ZBTB44: variants seen among roughly 807,000 people sequenced by gnomAD.
ZBTB44 encodes zinc finger and BTB domain containing 44.
Under a neutral mutation model 54.0 loss-of-function variants are expected in ZBTB44, and 15 were observed. The ratio of observed to expected loss-of-function variants is 0.28; its 90% CI spans 0.19 to 0.43. ZBTB44 has a LOEUF of 0.43. Among genes scored for constraint, ZBTB44 ranks in the 20% least tolerant of loss-of-function variants. ZBTB44 has a pLI of 1.00. For missense variants in ZBTB44, 487 were observed against 707.1 expected (o/e 0.69, Z 3.53); for synonymous variants, 230 against 250.1 (o/e 0.92, Z 0.76).
intron 7 of ZBTB44, chr11:130,232,688 T>C (rs1953922488): frequency 6.6e-6 from 1 of 152,198 alleles, no homozygotes; most frequent in Admixed American, 6.5e-5. Context: ...ATCGCTGTCA[T>C]ATGGGATTCA....
intron 1 of ZBTB44, chr11:130,296,205 GT>G: frequency 7.7e-7 from 1 of 1,296,558 alleles, no homozygotes; most frequent in Non-Finnish European, 1.1e-6. Context: ...GCCATTGTAT[GT>G]TAGTGTTGAT....
chr11:130,292,958 T>C (rs1396808422), intron 1 of ZBTB44, among the ~76,000 whole-genome samples: 3 of 152,212 alleles, frequency 2.0e-5, no homozygotes, highest in Non-Finnish European at 2.9e-5. Flanking sequence ...GTCACTCTTA[T>C]CAATCTAAGT....
chr11:130,268,856 A>G (rs763123264), intron 1 of ZBTB44, among the ~76,000 whole-genome samples: 3 of 151,258 alleles, frequency 2.0e-5, no homozygotes, highest in Non-Finnish European at 4.4e-5. Context: ...CTGGGATTAC[A>G]GGTGTGAGCC....
chr11:130,298,186 T>C (rs1053689641), intron 1 of ZBTB44, among the ~76,000 whole-genome samples: 7 of 152,148 alleles, frequency 4.6e-5, no homozygotes, highest in Admixed American at 3.3e-4. Context: ...CTCTGTTGCC[T>C]AGATTAGAGT....
chr11:130,235,657 C>T (rs536632590), intron 5 of ZBTB44, among the ~76,000 whole-genome samples: 2 of 151,072 alleles, frequency 1.3e-5, no homozygotes, highest in Non-Finnish European at 2.9e-5. Context: ...AAGACCCTAT[C>T]TATTCAATTA....
chr11:130,272,920 T>C (rs1009637360), intron 1 of ZBTB44, among the ~76,000 whole-genome samples: 1 of 152,224 alleles, frequency 6.6e-6, no homozygotes, highest in Admixed American at 6.5e-5. Flanking sequence ...TTATATGTCC[T>C]TGTGCCAGTA....
Position 130,314,587 on chromosome 11 carries a change from C to CT in ZBTB44, c.-270_-269insA, listed in dbSNP as rs1464791771. ...CTGTGGTGGGGCATGGCGGCACAGC[C>CT]ACCGGCGTGCCCGCGAGTGGGAGTG... On this transcript the variant is annotated 5_prime_UTR_variant, in exon 1 of 8. Transcript: ENST00000357899. 8.8e-5 allele frequency: 4 copies of CT among 45,668 alleles called. No individual in the cohort carries two copies. The highest frequency in any genetic ancestry group is 3.8e-4 in the African/African-American group (4 of 10,532). The allele number at this position is 45,668 out of a possible 1,614,324, so 2.8% of individuals were successfully genotyped here.
intron 2 of ZBTB44, among the ~76,000 whole-genome samples, chr11:130,247,947 C>T (rs978464174): frequency 6.6e-6 from 1 of 152,078 alleles, no homozygotes; most frequent in African/African-American, 2.4e-5. Flanking sequence ...TTATTTGCTG[C>T]AAGTTGATAC....
rs760452982 is a variant in ZBTB44, at chr11:130,236,947, G to A, written c.1414C>T (p.His472Tyr). The A allele has an allele frequency of 3.7e-6, 6 of 1,612,800 alleles. No homozygotes were observed. The highest frequency in any genetic ancestry group is 1.7e-5 in the Admixed American group (1 of 59,820). The change falls in exon 5 of 8, where the codon CAC becomes TAC. Residue 472 changes from histidine (H) to tyrosine (Y), a missense_variant. This residue lies in a region of ZBTB44 where 120 missense variants were observed against 240.3 expected (regional missense o/e 0.50). Transcript: ENST00000357899. ...ATFTSFGEYKHHMRVSRHIIR... is the reference protein window; with the variant it reads ...ATFTSFGEYKYHMRVSRHIIR... ...ATGTGCCGGGAAACCCTCATGTGGT[G>A]TTTATATTCCCCGAAGGAAGTGAAA...
intron 2 of ZBTB44, among the ~76,000 whole-genome samples, chr11:130,248,370 G>T (rs12283949): frequency 0.033 from 5,016 of 152,298 alleles, 258 homozygotes; most frequent in African/African-American, 0.11. Context: ...AGTTGGGCAT[G>T]GTGGCTCACG....
chr11:130,249,898 G>C (rs1414505641), intron 2 of ZBTB44, among the ~76,000 whole-genome samples: 1 of 152,154 alleles, frequency 6.6e-6, no homozygotes, highest in Non-Finnish European at 1.5e-5. Flanking sequence ...ACCACAGTGA[G>C]ACAGAACCAT....
chr11:130,244,082 G>C (rs1954519664), intron 2 of ZBTB44, among the ~76,000 whole-genome samples: 1 of 152,144 alleles, frequency 6.6e-6, no homozygotes, highest in Non-Finnish European at 1.5e-5. Flanking sequence ...TGATTTTAGT[G>C]CTCTGATGAT....
intron 1 of ZBTB44, among the ~76,000 whole-genome samples, chr11:130,271,138 T>C (rs1939637068): frequency 6.6e-6 from 1 of 152,216 alleles, no homozygotes; most frequent in South Asian, 2.1e-4. Context: ...ATTTATGTTA[T>C]AAAATTTCTG....
intron 1 of ZBTB44, among the ~76,000 whole-genome samples, chr11:130,278,569 A>G (rs1158507830): frequency 2.0e-5 from 3 of 151,886 alleles, no homozygotes; most frequent in Admixed American, 6.6e-5. Flanking sequence ...ATTACTCTTA[A>G]GTGTTTAATG....
intron 2 of ZBTB44, among the ~76,000 whole-genome samples, chr11:130,245,554 C>T (rs1327359582): frequency 6.6e-6 from 1 of 152,150 alleles, no homozygotes; most frequent in Non-Finnish European, 1.5e-5. Context: ...AGGCTTGCCC[C>T]AAAACGCCTG....
chr11:130,241,263 T>C (rs377494281), intron 2 of ZBTB44, among the ~76,000 whole-genome samples: 1 of 152,354 alleles, frequency 6.6e-6, no homozygotes, highest in East Asian at 1.9e-4. Flanking sequence ...AACACATTTA[T>C]CTTCAACTTT....
intron 1 of ZBTB44, among the ~76,000 whole-genome samples, chr11:130,262,977 C>A (rs1292854176): frequency 6.6e-6 from 1 of 152,230 alleles, no homozygotes; most frequent in Non-Finnish European, 1.5e-5. Flanking sequence ...GGAAGGATCA[C>A]TTGAGCCTGG....
At chr11:130,243,219 G>A (rs1954465676) in intron 2 of ZBTB44, among the ~76,000 whole-genome samples, 2 of 152,146 alleles carry the variant, frequency 1.3e-5, no homozygotes, top group South Asian at 4.1e-4. Flanking sequence ...TATTTCTGCT[G>A]CATTTAAAAA....
At chr11:130,270,240 T>C (rs1043803663) in intron 1 of ZBTB44, among the ~76,000 whole-genome samples, 1 of 152,326 alleles carries the variant, frequency 6.6e-6, no homozygotes, top group Middle Eastern at 3.4e-3. Flanking sequence ...GTTTTAATTA[T>C]GCTAAAACTG....
Sources: gnomAD v4.1 joint callset for allele counts (sites outside exome capture counted in the v4.1 genomes callset) on GRCh38, gnomAD v4.1.1 for gene constraint, gnomAD v4.1.1 regional missense constraint, MANE v1.5 for transcripts, NCBI Gene and HGNC (gene_info 2026-07-23, HGNC 2026-07-21) for gene names.